The following FUT8 variants were observed in gnomAD, a reference collection of about 807,000 sequenced individuals.
FUT8 encodes alpha-(1,6)-fucosyltransferase.
Under a neutral mutation model 71.3 loss-of-function variants are expected in FUT8, and 29 were observed. The ratio of observed to expected loss-of-function variants is 0.41; its 90% CI spans 0.30 to 0.55. The LOEUF (loss-of-function observed/expected upper bound fraction) is 0.55. Ranked by LOEUF, FUT8 falls within the 20% of genes least tolerant of loss-of-function variation. FUT8 has a pLI of 0.34. For synonymous variants in FUT8, 254 were observed against 239.3 expected (o/e 1.06, Z -0.57); for missense variants, 544 against 702.1 (o/e 0.77, Z 2.55).
chr14:65,397,717 A>G, the FUT8 span, among the ~76,000 whole-genome samples: 2 of 152,218 alleles, frequency 1.3e-5, no homozygotes, highest in Non-Finnish European at 2.9e-5. The surrounding 1 kb of genome is among the most constrained non-coding windows in gnomAD (Gnocchi z 4.2). Flanking sequence ...GCCACCTGTG[A>G]TCCTGAACTG....
In FUT8 at chr14:65,650,298, C is replaced by CAAAAAAAAAAA. The variant is rs869168766; in HGVS notation, c.598-18926_598-18916dup. ...TGGGTGACAGAGTGAGACTCTGTCT[C>CAAAAAAAAAAA]AAAAAAAAAAAAAAAAAAAAAAAAA... is the stretch of plus-strand genomic sequence containing the variant. On this transcript the variant is annotated intron_variant, in intron 6 of 10. Transcript: ENST00000673929. Among the ~76,000 whole-genome samples the CAAAAAAAAAAA allele has an allele frequency of 2.3e-4, 9 of 39,688 alleles. 1 individual carries two copies. The highest frequency in any genetic ancestry group is 1.2e-3 in the African/African-American group (9 of 7,776). 26.0% of individuals were successfully genotyped at this position (39,688 alleles called of 152,430 possible). A position where few individuals can be genotyped will look rare whatever the true frequency, so the allele number is the denominator to read the frequency against.
chr14:65,433,075 C>G (rs2065501076), intron 1 of FUT8, among the ~76,000 whole-genome samples: 1 of 152,188 alleles, frequency 6.6e-6, no homozygotes, highest in Non-Finnish European at 1.5e-5. Context: ...TAACCTATTT[C>G]TGGCAACCAC....
intron 3 of FUT8, among the ~76,000 whole-genome samples, chr14:65,579,352 G>T (rs1028472126): frequency 1.3e-5 from 2 of 151,994 alleles, no homozygotes; most frequent in African/African-American, 4.8e-5. Context: ...GTTACTTTTG[G>T]CATTTGTTTT....
the FUT8 span, among the ~76,000 whole-genome samples, chr14:65,384,878 A>G: frequency 6.9e-6 from 1 of 145,264 alleles, no homozygotes; most frequent in African/African-American, 2.5e-5. The surrounding 1 kb of genome is among the most constrained non-coding windows in gnomAD (Gnocchi z 4.2). Context: ...CTTTACCTAC[A>G]TTTCTTAGGT....
the FUT8 span, among the ~76,000 whole-genome samples, chr14:65,363,031 T>TTC: frequency 7.0e-6 from 1 of 142,892 alleles, no homozygotes; most frequent in Admixed American, 6.9e-5. Context: ...AAAAAAGAAC[T>TTC]TCTGGAGTAG....
upstream of FUT8, among the ~76,000 whole-genome samples, chr14:65,408,679 CA>C (rs2065096466): frequency 2.0e-5 from 3 of 152,218 alleles, no homozygotes; most frequent in Admixed American, 2.0e-4. Context: ...ACAGAAATTT[CA>C]GCCATGGAGG....
intron 1 of FUT8, among the ~76,000 whole-genome samples, chr14:65,431,057 G>A (rs1035074840): frequency 4.7e-5 from 7 of 147,880 alleles, no homozygotes; most frequent in Admixed American, 2.1e-4. Context: ...GTGCAGTGGC[G>A]CGATCTCGGC....
At chr14:65,424,135 C>T (rs985201609) in intron 1 of FUT8, among the ~76,000 whole-genome samples, 5 of 152,092 alleles carry the variant, frequency 3.3e-5, no homozygotes, top group Admixed American at 6.5e-5. Flanking sequence ...AATGAAACCG[C>T]GAGAGATCAC....
At chr14:65,451,935 G>A (rs543903967) in intron 1 of FUT8, among the ~76,000 whole-genome samples, 1 of 152,256 alleles carries the variant, frequency 6.6e-6, no homozygotes, top group African/African-American at 2.4e-5. Flanking sequence ...GCCAGAAAAC[G>A]GAGATATAAG....
chr14:65,559,988 G>A (rs57715137), intron 2 of FUT8, among the ~76,000 whole-genome samples: 1 of 152,148 alleles, frequency 6.6e-6, no homozygotes, highest in Non-Finnish European at 1.5e-5. Flanking sequence ...TTTAGCCAGT[G>A]TAAATCAGTA....
At chr14:65,644,210 T>C (rs537937243) in intron 6 of FUT8, among the ~76,000 whole-genome samples, 1 of 152,286 alleles carries the variant, frequency 6.6e-6, no homozygotes, top group South Asian at 2.1e-4. Context: ...CTGAAACCTA[T>C]TCAACTTCTG....
intron 2 of FUT8, among the ~76,000 whole-genome samples, chr14:65,461,131 C>T (rs758211511): frequency 5.9e-5 from 9 of 152,156 alleles, no homozygotes; most frequent in Non-Finnish European, 1.2e-4. Context: ...GGCAGGGCCA[C>T]ACTCTCTCCG....
chr14:65,731,601 C>T (rs1405501432), intron 9 of FUT8, among the ~76,000 whole-genome samples: 1 of 152,084 alleles, frequency 6.6e-6, no homozygotes, highest in Non-Finnish European at 1.5e-5. Context: ...CTTTATGAAG[C>T]CATAGAGATA....
At chr14:65,626,584 ATTAT>A (rs1265832167) in intron 5 of FUT8, among the ~76,000 whole-genome samples, 4 of 152,200 alleles carry the variant, frequency 2.6e-5, no homozygotes, top group Admixed American at 6.5e-5. Flanking sequence ...CTTTGAGCAA[ATTAT>A]TTAACCTCTC....
At chr14:65,539,078 T>G (rs1408534609) in intron 2 of FUT8, among the ~76,000 whole-genome samples, 1 of 152,206 alleles carries the variant, frequency 6.6e-6, no homozygotes, top group Non-Finnish European at 1.5e-5. Context: ...TATTAGTTGT[T>G]ACTCATTTGT....
the FUT8 span, among the ~76,000 whole-genome samples, chr14:65,398,942 A>C: frequency 6.6e-6 from 1 of 152,180 alleles, no homozygotes; most frequent in Non-Finnish European, 1.5e-5. Flanking sequence ...CCCCACCACA[A>C]AATCAAAACT....
chr14:65,710,485 A>G (rs1894760794), intron 7 of FUT8, among the ~76,000 whole-genome samples: 2 of 152,204 alleles, frequency 1.3e-5, no homozygotes, highest in Non-Finnish European at 2.9e-5. Context: ...TGAGGAAATT[A>G]AGCTTTTGTT....
At position 65,722,014 on chromosome 14, in the gene FUT8, G is replaced by A. The variant is rs1895442166; in HGVS notation, c.1075G>A (p.Val359Ile). The change falls in exon 8 of 11, where the codon GTT becomes ATT. Residue 359 changes from valine to isoleucine, a missense_variant. Val to Ile is a conservative substitution (Grantham distance 29). Transcript: ENST00000673929. ...CAAGAAGCTTGGCTTCAAACATCCA[G>A]TTATTGGGTAAGAATCTGATTTTTT... ...ATKKLGFKHP[V>I]IGVHVRRTDK... 1.9e-6 allele frequency: 3 copies of A among 1,613,848 alleles called. No individual in the cohort carries two copies. The highest frequency in any genetic ancestry group is 2.5e-6 in the Non-Finnish European group (3 of 1,179,982).
chr14:65,452,682 T>C (rs2065845415), intron 1 of FUT8, among the ~76,000 whole-genome samples: 1 of 152,148 alleles, frequency 6.6e-6, no homozygotes, highest in Non-Finnish European at 1.5e-5. Context: ...AAGGAAACTA[T>C]GGGAAGCTGC....
Sources: allele counts gnomAD v4.1 joint callset (sites outside exome capture counted in the v4.1 genomes callset), GRCh38; gene constraint gnomAD v4.1.1; non-coding constraint Gnocchi (gnomAD v3.1); transcripts MANE v1.5; gene names NCBI Gene and HGNC (gene_info 2026-07-23, HGNC 2026-07-21).